The following LRRC38 variants were observed in gnomAD, a reference collection of about 807,000 sequenced individuals.
The protein encoded by LRRC38 is leucine rich repeat containing 38.
Under a neutral mutation model 16.4 loss-of-function variants are expected in LRRC38, and 5 were observed. The observed-to-expected ratio is 0.31, with a 90% confidence interval of 0.16 to 0.64. The LOEUF (loss-of-function observed/expected upper bound fraction) is 0.64, where lower values mean the gene tolerates loss of function less well. Ranked by LOEUF, LRRC38 falls within the 30% of genes least tolerant of loss-of-function variation. LRRC38 has a pLI of 0.80. For synonymous variants in LRRC38, 191 were observed against 190.2 expected, an observed-to-expected ratio of 1.00 and a Z score of -0.04; for missense variants, 341 against 401.8, an observed-to-expected ratio of 0.85 and a Z score of 1.29.
At chr1:13,502,858 A>T (rs1413193869) in intron 1 of LRRC38, among the ~76,000 whole-genome samples, 1 of 152,200 alleles carries the variant, frequency 6.6e-6, no homozygotes, top group African/African-American at 2.4e-5. Flanking sequence ...TTCAACTTTC[A>T]CTTCTGATGT....
chr1:13,492,603 A>G (rs747226715), intron 1 of LRRC38, among the ~76,000 whole-genome samples: 1 of 152,044 alleles, frequency 6.6e-6, no homozygotes, highest in Non-Finnish European at 1.5e-5. Context: ...TCAGGAGGCT[A>G]AGGTACAAGA....
At position 13,513,419 on chromosome 1, in the gene LRRC38, G is replaced by C. The variant is rs775910726; in HGVS notation, c.175C>G (p.Arg59Gly). ...SVPDPFPLDV[R>G]KLLVAGNRIQ... is the part of the protein sequence containing the mutation. The stretch of plus-strand genomic sequence containing the variant: ...CGGTTGCCGGCCACCAGCAGCTTGC[G>C]CACGTCCAGGGGGAAAGGGTCTGGC... Residue 59 changes from arginine to glycine, a missense_variant, in exon 1 of 2, where the codon CGC becomes GGC. Transcript: ENST00000376085. The C allele has an allele frequency of 1.9e-6, 3 of 1,550,292 alleles. No individual in the cohort carries two copies. Among genetic ancestry groups the C allele is most frequent in the Non-Finnish European group, 2.6e-6 (3 of 1,146,880 alleles).
chr1:13,485,315 C>T (rs973942825), intron 1 of LRRC38, among the ~76,000 whole-genome samples: 2 of 148,954 alleles, frequency 1.3e-5, no homozygotes, highest in African/African-American at 2.5e-5. Context: ...CAGTGGCTCA[C>T]GCCTGTAATC....
intron 1 of LRRC38, among the ~76,000 whole-genome samples, chr1:13,494,307 G>C (rs1471922440): frequency 1.3e-5 from 2 of 151,974 alleles, no homozygotes; most frequent in Non-Finnish European, 2.9e-5. Context: ...GTGAGCCTCA[G>C]GAACTGAGTC....
chr1:13,501,291 A>T (rs1185898987), intron 1 of LRRC38, among the ~76,000 whole-genome samples: 1 of 152,108 alleles, frequency 6.6e-6, no homozygotes, highest in Non-Finnish European at 1.5e-5. Flanking sequence ...GTGACATACT[A>T]ATGCAAGATG....
intron 1 of LRRC38, among the ~76,000 whole-genome samples, chr1:13,491,112 A>G (rs1443783611): frequency 2.0e-5 from 3 of 152,196 alleles, no homozygotes; most frequent in East Asian, 1.9e-4. Flanking sequence ...AATCTTGCCC[A>G]TCGGGGGATT....
In LRRC38 at chr1:13,476,016, A is replaced by G. The variant is rs750619661; in HGVS notation, c.715T>C (p.Cys239Arg). ...TCTGTGAGTGACAGGCTGAACCTAC[A>G]CTCGCTGAAGCTGGCCTCCGACAGC... ...RELSEASFSE[C>R]RFSLSLTDLC... Residue 239 changes from cysteine (C) to arginine (R), a missense_variant, in exon 2 of 2, where the codon TGT becomes CGT. By Grantham distance (180) the Cys-to-Arg change is radical. Transcript: ENST00000376085. The G allele has an allele frequency of 6.5e-6, 10 of 1,550,332 alleles. No individual in the cohort carries two copies. Among genetic ancestry groups the G allele is most frequent in the Non-Finnish European group, 8.7e-6 (10 of 1,146,944 alleles).
At chr1:13,481,164 G>A (rs976825532) in intron 1 of LRRC38, among the ~76,000 whole-genome samples, 1 of 151,988 alleles carries the variant, frequency 6.6e-6, no homozygotes, top group Non-Finnish European at 1.5e-5. Context: ...CACTCTGGAG[G>A]GCAGTGGCGC....
At chr1:13,498,265 C>A (rs1639106874) in intron 1 of LRRC38, among the ~76,000 whole-genome samples, 2 of 152,012 alleles carry the variant, frequency 1.3e-5, no homozygotes, top group South Asian at 4.2e-4. Flanking sequence ...AAAAAAGAGC[C>A]CAGTTTGTGT....
At chr1:13,488,403 C>G (rs943547179) in intron 1 of LRRC38, among the ~76,000 whole-genome samples, 4 of 151,960 alleles carry the variant, frequency 2.6e-5, no homozygotes, top group Non-Finnish European at 4.4e-5. Context: ...TCCTGAGCAG[C>G]TGGAATTACA....
At chr1:13,488,741 G>A (rs1391593356) in intron 1 of LRRC38, among the ~76,000 whole-genome samples, 2 of 152,172 alleles carry the variant, frequency 1.3e-5, no homozygotes, top group Admixed American at 1.3e-4. Context: ...ATTATTAGGA[G>A]AGCTGAACAT....
chr1:13,481,813 CT>C (rs1557495422), intron 1 of LRRC38, among the ~76,000 whole-genome samples: 7 of 141,218 alleles, frequency 5.0e-5, no homozygotes, highest in East Asian at 2.3e-4. Context: ...CTCTCTCTCT[CT>C]CTCTCTCTCT....
In LRRC38 at chr1:13,513,365, T is replaced by C. The variant is rs1003451543; in HGVS notation, c.229A>G (p.Ile77Val). 1 of 1,550,612 alleles carries C rather than the reference T, an allele frequency of 6.4e-7. No individual in the cohort carries two copies. The highest frequency in any genetic ancestry group is 8.7e-7 in the Non-Finnish European group (1 of 1,147,000). ...AGGTAGACCAGGTCGCCGTAGAAGA[T>C]GAAGAAGTCCTCGGGGATCCGCTGG... ...RIQRIPEDFFIFYGDLVYLDF... is the reference protein window; with the variant it reads ...RIQRIPEDFFVFYGDLVYLDF... The change falls in exon 1 of 2, where the codon ATC (isoleucine) becomes GTC (valine). Residue 77 changes from isoleucine to valine, a missense_variant. Physicochemically the swap from Ile to Val is conservative, Grantham distance 29. Coordinates refer to ENST00000376085, the MANE Select transcript of LRRC38 (RefSeq NM_001010847.2).
At chr1:13,500,225 A>T (rs989167876) in intron 1 of LRRC38, among the ~76,000 whole-genome samples, 2 of 148,072 alleles carry the variant, frequency 1.4e-5, no homozygotes, top group South Asian at 4.5e-4. Context: ...ACTGCACTCC[A>T]GCCCGGGCGA....
chr1:13,488,790 T>A (rs1287237192), intron 1 of LRRC38, among the ~76,000 whole-genome samples: 1 of 152,202 alleles, frequency 6.6e-6, no homozygotes. Flanking sequence ...TGTGTCCTTC[T>A]GTGAACTGCC....
At chr1:13,493,476 A>G (rs940793009) in intron 1 of LRRC38, among the ~76,000 whole-genome samples, 11 of 152,162 alleles carry the variant, frequency 7.2e-5, no homozygotes, top group Non-Finnish European at 7.3e-5. Flanking sequence ...CCGACCCCCT[A>G]AATCGTCCAC....
At chr1:13,496,154 C>G (rs1322776735) in intron 1 of LRRC38, among the ~76,000 whole-genome samples, 1 of 136,266 alleles carries the variant, frequency 7.3e-6, no homozygotes, top group Non-Finnish European at 1.7e-5. Context: ...CAGCGCTGAT[C>G]AAATATATAT....
chr1:13,476,964 G>T (rs1638795253), intron 1 of LRRC38, among the ~76,000 whole-genome samples: 1 of 152,154 alleles, frequency 6.6e-6, no homozygotes, highest in Non-Finnish European at 1.5e-5. Context: ...AATTAGCCGG[G>T]CATGGTGGTG....
chr1:13,504,034 G>A (rs571941590), intron 1 of LRRC38, among the ~76,000 whole-genome samples: 1 of 152,300 alleles, frequency 6.6e-6, no homozygotes, highest in East Asian at 1.9e-4. Context: ...CACACGTTTG[G>A]GATTTGACAG....
Sources: allele counts gnomAD v4.1 joint callset (sites outside exome capture counted in the v4.1 genomes callset), GRCh38; gene constraint gnomAD v4.1.1; transcripts MANE v1.5; gene names NCBI Gene and HGNC (gene_info 2026-07-23, HGNC 2026-07-21).